Variants in OTULIN observed in about 807,000 individuals in gnomAD.
OTULIN encodes ubiquitin thioesterase otulin.
A neutral mutation model predicts 39.6 loss-of-function variants in OTULIN; 15 were observed. That is an observed-to-expected ratio of 0.38 (90% CI 0.25 to 0.58). The LOEUF (loss-of-function observed/expected upper bound fraction) is 0.58. Among genes scored for constraint, OTULIN ranks in the 20% least tolerant of loss-of-function variants. The pLI is 0.66. For missense variants in OTULIN, 319 were observed against 445.9 expected (o/e 0.72, Z 2.56); for synonymous variants, 156 against 170.3 (o/e 0.92, Z 0.65).
Position 14,690,843 on chromosome 5 carries a change from C to T in OTULIN, c.864+535C>T, listed in dbSNP as rs1175754398. On this transcript the variant is annotated intron_variant, in intron 6 of 6. Transcript: ENST00000284274. The surrounding 1 kb of genome is among the most constrained non-coding windows in gnomAD (Gnocchi z 4.5). ...TTGTGGACATACTTTACAGTCACCA[C>T]CGTTATCTCAGCCTGGGCTTTATTC... Among the ~76,000 whole-genome samples the T allele has an allele frequency of 2.0e-5, 3 of 152,212 alleles. No individual in the cohort carries two copies. The highest frequency in any genetic ancestry group is 2.9e-5 in the Non-Finnish European group (2 of 68,046).
At chr5:14,702,361 A>T (rs1005602405), downstream of OTULIN, among the ~76,000 whole-genome samples, 3 of 152,108 alleles carry the variant, frequency 2.0e-5, no homozygotes, top group Admixed American at 2.0e-4. Flanking sequence ...GAAGCTTGGG[A>T]ACAAGTTAGG....
downstream of OTULIN, among the ~76,000 whole-genome samples, chr5:14,702,633 C>A (rs116242622): frequency 5.9e-5 from 9 of 152,216 alleles, no homozygotes; most frequent in South Asian, 1.9e-3. Context: ...TCAGACCACA[C>A]GTGAATTGCA....
At chr5:14,667,373 A>G (rs1409814980) in intron 1 of OTULIN, among the ~76,000 whole-genome samples, 1 of 152,178 alleles carries the variant, frequency 6.6e-6, no homozygotes, top group Non-Finnish European at 1.5e-5. Context: ...TGGATAAGCT[A>G]CATTGTTTTC....
At chr5:14,681,292 G>A (rs1736242962) in intron 3 of OTULIN, among the ~76,000 whole-genome samples, 172 bp from the exon 4 acceptor site, 1 of 150,812 alleles carries the variant, frequency 6.6e-6, no homozygotes, top group South Asian at 2.1e-4. Flanking sequence ...CCTTCAAAAT[G>A]TTGTTTGCCA....
intron 4 of OTULIN, among the ~76,000 whole-genome samples, chr5:14,686,534 T>C (rs1423308839): frequency 1.3e-5 from 2 of 152,216 alleles, no homozygotes; most frequent in African/African-American, 4.8e-5. Flanking sequence ...AGAACTGTAT[T>C]AATAACTGCT....
In OTULIN at chr5:14,681,470, G is replaced by A; in HGVS notation, c.331G>A (p.Glu111Lys). 1 of 1,611,252 alleles carries A rather than the reference G, an allele frequency of 6.2e-7. No homozygotes were observed. The highest frequency in any genetic ancestry group is 8.5e-7 in the Non-Finnish European group (1 of 1,179,230). Residue 111 changes from glutamate to lysine, a missense_variant, in exon 4 of 7, where the codon GAA (glutamate) becomes AAA (lysine). Physicochemically the swap from Glu to Lys is moderately conservative, Grantham distance 56. Coordinates refer to ENST00000284274, the MANE Select transcript of OTULIN (RefSeq NM_138348.6). ...QKATCMKMGY[E>K]EVSQKFTSIR... is the part of the protein sequence containing the mutation. Reference sequence around the variant, plus strand: ...CTTTCATACCTTTTCCCAGGGCTATGAAGAGGTTTCTCAGAAGTTCACCTC... The same window carrying A: ...CTTTCATACCTTTTCCCAGGGCTATAAAGAGGTTTCTCAGAAGTTCACCTC...
At chr5:14,712,006 G>A in the OTULIN span, among the ~76,000 whole-genome samples, 2 of 152,158 alleles carry the variant, frequency 1.3e-5, no homozygotes, top group Admixed American at 6.5e-5. Context: ...CCACCTTTTC[G>A]ATGTCCTGTC....
intron 6 of OTULIN, among the ~76,000 whole-genome samples, chr5:14,692,372 CTG>C (rs1248145801): frequency 6.6e-6 from 1 of 152,228 alleles, no homozygotes; most frequent in Non-Finnish European, 1.5e-5. Flanking sequence ...AAAGAAAATC[CTG>C]TGCTCATTAA....
intron 1 of OTULIN, among the ~76,000 whole-genome samples, chr5:14,671,376 G>A (rs1735974296): frequency 6.6e-6 from 1 of 152,332 alleles, no homozygotes; most frequent in East Asian, 1.9e-4. Context: ...TCATTTTGAA[G>A]ATGAGAAAAC....
chr5:14,692,393 TC>T (rs1736550533), intron 6 of OTULIN, among the ~76,000 whole-genome samples: 1 of 152,340 alleles, frequency 6.6e-6, no homozygotes, highest in Admixed American at 6.5e-5. Context: ...AAGCAGCCAT[TC>T]CCCATTATCA....
At chr5:14,713,419 A>T in the OTULIN span, 1 of 1,389,636 alleles carries the variant, frequency 7.2e-7, no homozygotes, top group Non-Finnish European at 1.0e-6. This position sits in a 1 kb window ranked among gnomAD's most constrained non-coding sequence, Gnocchi z 4.4. Flanking sequence ...CACACAAAAC[A>T]TCATTCTGAA....
At chr5:14,714,755 A>C in the OTULIN span, among the ~76,000 whole-genome samples, 1 of 152,092 alleles carries the variant, frequency 6.6e-6, no homozygotes, top group Admixed American at 6.5e-5. Flanking sequence ...GATTGCAAAG[A>C]GTGGCAGGGC....
intron 2 of OTULIN, 44 bp downstream of exon 2, chr5:14,673,762 A>G: frequency 1.3e-6 from 2 of 1,534,880 alleles, no homozygotes; most frequent in Middle Eastern, 1.7e-4. Flanking sequence ...TATTGTTTAT[A>G]GCAGAAAATG....
chr5:14,706,512 G>A, the OTULIN span: 4 of 152,228 alleles, frequency 2.6e-5, no homozygotes, highest in Middle Eastern at 3.4e-3. Flanking sequence ...CTAAACTTAA[G>A]GTCTTATCAT....
chr5:14,703,266 A>G (rs770924451), downstream of OTULIN, among the ~76,000 whole-genome samples: 2 of 146,348 alleles, frequency 1.4e-5, no homozygotes, highest in Non-Finnish European at 3.0e-5. Context: ...TGGGAGCAGA[A>G]TTACAAATAT....
chr5:14,689,570 T>C (rs770491772), intron 5 of OTULIN, among the ~76,000 whole-genome samples: 1 of 152,198 alleles, frequency 6.6e-6, no homozygotes, highest in African/African-American at 2.4e-5. Flanking sequence ...GGGATAAGTT[T>C]AGTAAATTAT....
the OTULIN span, chr5:14,705,934 A>T: frequency 6.6e-6 from 1 of 152,028 alleles, no homozygotes; most frequent in African/African-American, 2.4e-5. Flanking sequence ...ATGTTCCCCA[A>T]CTCCAGAGGC....
At chr5:14,687,155 G>A (rs1198312486) in intron 4 of OTULIN, among the ~76,000 whole-genome samples, 3 of 152,194 alleles carry the variant, frequency 2.0e-5, no homozygotes, top group African/African-American at 4.8e-5. Context: ...CGAGCCATGT[G>A]TTAGGTGGTG....
chr5:14,713,572 C>T, the OTULIN span: 4,009 of 1,614,184 alleles, frequency 2.5e-3, 6 homozygotes, highest in Non-Finnish European at 3.3e-3. This position sits in a 1 kb window ranked among gnomAD's most constrained non-coding sequence, Gnocchi z 4.4. Context: ...ACGAGGCTGG[C>T]GATGAGGACG....
Sources: allele counts gnomAD v4.1 joint callset (sites outside exome capture counted in the v4.1 genomes callset), GRCh38; gene constraint gnomAD v4.1.1; non-coding constraint Gnocchi (gnomAD v3.1); transcripts MANE v1.5; gene names NCBI Gene and HGNC (gene_info 2026-07-23, HGNC 2026-07-21).